SUCLG1: variants seen among roughly 807,000 people sequenced by gnomAD.
SUCLG1 encodes the protein succinate-CoA ligase GDP/ADP-forming subunit alpha.
A neutral mutation model predicts 37.3 loss-of-function variants in SUCLG1; 26 were observed. The observed-to-expected ratio is 0.70, with a 90% CI of 0.51 to 0.97. The LOEUF (loss-of-function observed/expected upper bound fraction) is 0.97, where lower values mean the gene tolerates loss of function less well. Among genes scored for constraint, SUCLG1 ranks in the 50% least tolerant of loss-of-function variants. The pLI, the probability that SUCLG1 is intolerant of heterozygous loss-of-function variation, is 0.00. For missense variants in SUCLG1, 433 were observed against 432.9 expected, an observed-to-expected ratio of 1.00 and a Z score of 0.00; for synonymous variants, 163 against 155.6, an observed-to-expected ratio of 1.05 and a Z score of -0.36.
chr2:84,450,150 C>G (rs1461944787), intron 1 of SUCLG1, among the ~76,000 whole-genome samples: 6 of 152,236 alleles, frequency 3.9e-5, no homozygotes, highest in Admixed American at 2.0e-4. Flanking sequence ...AGCCACGTTT[C>G]CCCACTTGAC....
intron 5 of SUCLG1, chr2:84,433,762 T>A: frequency 2.8e-6 from 1 of 352,590 alleles, no homozygotes; most frequent in Non-Finnish European, 5.4e-6. Flanking sequence ...ATTTGGTAGG[T>A]ACTAATCATA....
intron 2 of SUCLG1, among the ~76,000 whole-genome samples, chr2:84,449,166 T>C (rs1204731454): frequency 2.0e-5 from 3 of 152,134 alleles, no homozygotes; most frequent in Admixed American, 1.3e-4. Context: ...AAGTATAAGA[T>C]GAAAAAAGTC....
chr2:84,435,194 AGT>A (rs1341824330), intron 5 of SUCLG1, among the ~76,000 whole-genome samples: 1 of 152,116 alleles, frequency 6.6e-6, no homozygotes, highest in East Asian at 1.9e-4. Flanking sequence ...CTTAAGATGG[AGT>A]GTTTCACCTC....
At chr2:84,443,258 T>G (rs755250385) in intron 3 of SUCLG1, 26 bp downstream of exon 3, 2 of 1,597,694 alleles carry the variant, frequency 1.3e-6, no homozygotes, top group Non-Finnish European at 1.7e-6. Context: ...TTTCTTGTCT[T>G]GCCAAACTCA....
intron 2 of SUCLG1, among the ~76,000 whole-genome samples, chr2:84,446,486 G>A (rs1672854331): frequency 6.6e-6 from 1 of 152,158 alleles, no homozygotes; most frequent in African/African-American, 2.4e-5. Context: ...GCCTTAAGAA[G>A]GACCTCAGAA....
At chr2:84,440,520 T>G (rs28555285) in intron 5 of SUCLG1, among the ~76,000 whole-genome samples, 1 of 152,236 alleles carries the variant, frequency 6.6e-6, no homozygotes, top group Non-Finnish European at 1.5e-5. Flanking sequence ...ACTTGACTTA[T>G]GTTCATATGA....
At chr2:84,452,114 A>G (rs1025920024) in intron 1 of SUCLG1, among the ~76,000 whole-genome samples, 3 of 152,124 alleles carry the variant, frequency 2.0e-5, no homozygotes, top group African/African-American at 4.8e-5. Context: ...TCAGCCCTCA[A>G]ATAATTCACA....
chr2:84,449,064 A>G, intron 2 of SUCLG1: 1 of 241,808 alleles, frequency 4.1e-6, no homozygotes, highest in Admixed American at 5.3e-5. Flanking sequence ...AAGAACAGGA[A>G]AGAGTATGAG....
At chr2:84,433,127 G>A in intron 6 of SUCLG1, 1 of 587,670 alleles carries the variant, frequency 1.7e-6, no homozygotes, top group South Asian at 2.1e-5. Context: ...GGAGCCACGT[G>A]TTCCAAGATG....
chr2:84,448,611 G>C (rs1046272677), intron 2 of SUCLG1, among the ~76,000 whole-genome samples: 3 of 150,582 alleles, frequency 2.0e-5, no homozygotes, highest in East Asian at 3.9e-4. Flanking sequence ...GTTAAGACAC[G>C]TGGTTATACT....
chr2:84,444,605 T>C (rs375599960), intron 2 of SUCLG1, among the ~76,000 whole-genome samples: 1 of 152,212 alleles, frequency 6.6e-6, no homozygotes, highest in Non-Finnish European at 1.5e-5. Flanking sequence ...GATAATATCT[T>C]ATCAGGAGAC....
At chr2:84,455,527 A>C (rs2014304) in intron 1 of SUCLG1, among the ~76,000 whole-genome samples, 1 of 151,846 alleles carries the variant, frequency 6.6e-6, no homozygotes, top group East Asian at 1.9e-4. Context: ...ATAAGACACA[A>C]CCTAATGTAA....
chr2:84,425,756 A>C (rs1573361590), intron 7 of SUCLG1, 153 bp from the exon 8 acceptor site: 2 of 801,770 alleles, frequency 2.5e-6, no homozygotes, highest in East Asian at 5.2e-5. Context: ...TTAAACCATG[A>C]TTGAAACCAC....
chr2:84,439,189 T>TAAAAA (rs748791525), intron 5 of SUCLG1, among the ~76,000 whole-genome samples: 1 of 139,844 alleles, frequency 7.2e-6, no homozygotes, highest in African/African-American at 2.6e-5. Context: ...TTCTTTTTTT[T>TAAAAA]AAAAAAAAAA....
intron 2 of SUCLG1, among the ~76,000 whole-genome samples, chr2:84,445,762 C>A (rs77538935): frequency 0.053 from 8,130 of 152,278 alleles, 475 homozygotes; most frequent in African/African-American, 0.14. Context: ...CAACTCTTGA[C>A]GGGTTATTGC....
At chr2:84,451,400 T>G (rs893301117) in intron 1 of SUCLG1, among the ~76,000 whole-genome samples, 1 of 152,222 alleles carries the variant, frequency 6.6e-6, no homozygotes, top group Non-Finnish European at 1.5e-5. Flanking sequence ...AAAATACTTT[T>G]TGTAGGTAAA....
chr2:84,447,405 C>A (rs1468934493), intron 2 of SUCLG1, among the ~76,000 whole-genome samples: 1 of 152,152 alleles, frequency 6.6e-6, no homozygotes, highest in Non-Finnish European at 1.5e-5. Flanking sequence ...CAAACTATCA[C>A]CTTATTTAGA....
At chr2:84,448,998 T>C in intron 2 of SUCLG1, 1 of 366,210 alleles carries the variant, frequency 2.7e-6, no homozygotes, top group South Asian at 2.2e-5. Context: ...ATGTGGCATT[T>C]TATTATAGAA....
chr2:84,449,982 A>G (rs1308006982), intron 1 of SUCLG1, among the ~76,000 whole-genome samples: 1 of 152,148 alleles, frequency 6.6e-6, no homozygotes, highest in Non-Finnish European at 1.5e-5. Context: ...TTTATCAAGA[A>G]CCACGATCTT....
Sources: allele counts gnomAD v4.1 joint callset (sites outside exome capture counted in the v4.1 genomes callset), GRCh38; gene constraint gnomAD v4.1.1; transcripts MANE v1.5; gene names NCBI Gene and HGNC (gene_info 2026-07-23, HGNC 2026-07-21).